DPP10: variants seen among roughly 807,000 people sequenced by gnomAD.
DPP10 encodes dipeptidyl peptidase like 10.
DPP10 carries 33 observed loss-of-function variants against 120.9 expected under a neutral mutation model. The ratio of observed to expected loss-of-function variants is 0.27; its 90% confidence interval spans 0.21 to 0.37. The LOEUF is 0.37. DPP10 is among the 10% of genes least tolerant of loss of function. The pLI is 1.00. For missense variants in DPP10, 816 were observed against 942.8 expected (o/e 0.87, Z 1.76); for synonymous variants, 337 against 326.1 (o/e 1.03, Z -0.36).
intron 1 of DPP10, among the ~76,000 whole-genome samples, chr2:114,693,462 GC>G (rs769154193): frequency 6.6e-6 from 1 of 151,836 alleles, no homozygotes; most frequent in Non-Finnish European, 1.5e-5. Context: ...TAGTCTGATG[GC>G]TTTTCCTTTG....
At chr2:114,799,311 A>G (rs975270850) in intron 1 of DPP10, among the ~76,000 whole-genome samples, 1 of 152,154 alleles carries the variant, frequency 6.6e-6, no homozygotes, top group Non-Finnish European at 1.5e-5. Context: ...AACACACACA[A>G]TGCATGCTGC....
intron 3 of DPP10, among the ~76,000 whole-genome samples, chr2:115,433,154 A>G (rs1358725536): frequency 6.6e-6 from 1 of 151,904 alleles, no homozygotes; most frequent in Non-Finnish European, 1.5e-5. Context: ...TATTTTTTTT[A>G]TTAGTGTTAT....
At chr2:115,740,449 T>C (rs981532282) in intron 9 of DPP10, among the ~76,000 whole-genome samples, 2 of 152,020 alleles carry the variant, frequency 1.3e-5, no homozygotes, top group African/African-American at 4.8e-5. Flanking sequence ...GGACCAAGTA[T>C]AAAAAAATCA....
chr2:114,987,805 T>TTTTTTTTTTTTTTTTTA (rs1325411989), intron 1 of DPP10, among the ~76,000 whole-genome samples: 4 of 6,090 alleles, frequency 6.6e-4, no homozygotes, highest in Admixed American at 2.8e-3. Context: ...GGAGACTGTC[T>TTTTTTTTTTTTTTTTTA]TTTTTTTTTT....
At chr2:114,981,781 T>TTG (rs1700107505) in intron 1 of DPP10, among the ~76,000 whole-genome samples, 1 of 149,336 alleles carries the variant, frequency 6.7e-6, no homozygotes, top group Admixed American at 6.6e-5. Context: ...TTGTTTTTGT[T>TTG]TTTTTTTTTA....
intron 1 of DPP10, among the ~76,000 whole-genome samples, chr2:114,970,623 T>C (rs1016179957): frequency 6.6e-6 from 1 of 152,200 alleles, no homozygotes; most frequent in Non-Finnish European, 1.5e-5. Context: ...GCAGAACTAC[T>C]CATGGATTTT....
chr2:114,912,796 T>G (rs995470026), intron 1 of DPP10, among the ~76,000 whole-genome samples: 1 of 152,176 alleles, frequency 6.6e-6, no homozygotes, highest in African/African-American at 2.4e-5. Context: ...TGCAGCAGAC[T>G]ACATGATTCT....
chr2:114,544,290 C>T (rs1009474437), intron 1 of DPP10, among the ~76,000 whole-genome samples: 1 of 152,122 alleles, frequency 6.6e-6, no homozygotes, highest in African/African-American at 2.4e-5. Flanking sequence ...AAAAGCCCCA[C>T]GAGGCAAGAA....
At chr2:115,030,735 G>A (rs553456172) in intron 1 of DPP10, among the ~76,000 whole-genome samples, 1 of 152,268 alleles carries the variant, frequency 6.6e-6, no homozygotes, top group East Asian at 1.9e-4. Flanking sequence ...AGAACATGCA[G>A]TATTTGGTTT....
chr2:115,586,785 T>A (rs1203002092), intron 5 of DPP10, among the ~76,000 whole-genome samples: 4 of 152,200 alleles, frequency 2.6e-5, no homozygotes, highest in Non-Finnish European at 5.9e-5. Flanking sequence ...CATAGTAGCA[T>A]TATATTCTTA....
intron 1 of DPP10, among the ~76,000 whole-genome samples, chr2:115,106,143 C>T (rs550951095): frequency 1.3e-5 from 2 of 152,306 alleles, no homozygotes; most frequent in East Asian, 3.9e-4. Flanking sequence ...CTTTATCATC[C>T]TTGCTGCTTT....
intron 1 of DPP10, among the ~76,000 whole-genome samples, chr2:115,182,738 G>A (rs1289926343): frequency 6.6e-6 from 1 of 152,142 alleles, no homozygotes; most frequent in South Asian, 2.1e-4. Context: ...GAGGAAGGTA[G>A]GGAAGCTATT....
At chr2:114,554,518 C>T (rs562276342) in intron 1 of DPP10, among the ~76,000 whole-genome samples, 12 of 152,128 alleles carry the variant, frequency 7.9e-5, no homozygotes, top group African/African-American at 2.4e-4. Context: ...AAACAGTCCG[C>T]GTGGGAGGAG....
intron 1 of DPP10, among the ~76,000 whole-genome samples, chr2:114,667,555 T>A (rs1698021621): frequency 6.6e-6 from 1 of 152,172 alleles, no homozygotes; most frequent in African/African-American, 2.4e-5. Flanking sequence ...GTGTTTCTGT[T>A]GAAATTTGCC....
At chr2:115,450,425 T>A (rs1558678910) in intron 3 of DPP10, among the ~76,000 whole-genome samples, 2 of 152,000 alleles carry the variant, frequency 1.3e-5, no homozygotes, top group Non-Finnish European at 2.9e-5. Flanking sequence ...CTGCAGAGAA[T>A]CATCTGGATT....
intron 3 of DPP10, among the ~76,000 whole-genome samples, chr2:115,383,873 A>G (rs531818133): frequency 3.9e-5 from 6 of 152,302 alleles, no homozygotes; most frequent in African/African-American, 9.6e-5. Flanking sequence ...TTTCTCAGCA[A>G]TGTAGAGCTA....
chr2:115,778,316 T>G (rs1298736498), intron 15 of DPP10, among the ~76,000 whole-genome samples: 1 of 152,064 alleles, frequency 6.6e-6, no homozygotes, highest in Admixed American at 6.6e-5. Context: ...AGTGAGATTG[T>G]TGCAGGAGGA....
At chr2:115,787,720 A>G (rs2149895836) in intron 17 of DPP10, among the ~76,000 whole-genome samples, 1 of 152,320 alleles carries the variant, frequency 6.6e-6, no homozygotes, top group Admixed American at 6.5e-5. Flanking sequence ...AAAAAGTTCA[A>G]CATAACGGAA....
intron 1 of DPP10, among the ~76,000 whole-genome samples, chr2:115,171,913 G>C (rs887779852): frequency 3.3e-5 from 5 of 152,078 alleles, no homozygotes; most frequent in African/African-American, 1.2e-4. Flanking sequence ...GAGGTTACAC[G>C]CAAAGCCATA....
Sources: gnomAD v4.1 joint callset for allele counts (sites outside exome capture counted in the v4.1 genomes callset) on GRCh38, gnomAD v4.1.1 for gene constraint, MANE v1.5 for transcripts, NCBI Gene and HGNC (gene_info 2026-07-23, HGNC 2026-07-21) for gene names.